The following MATK variants were observed in gnomAD, a reference collection of about 807,000 sequenced individuals.
MATK encodes megakaryocyte-associated tyrosine-protein kinase.
A neutral mutation model predicts 59.8 loss-of-function variants in MATK; 41 were observed. The observed-to-expected ratio is 0.69, with a 90% CI of 0.53 to 0.89. The LOEUF is 0.89. Ranked by LOEUF, MATK falls within the 40% of genes least tolerant of loss-of-function variation. The pLI is 0.00. For synonymous variants in MATK, 308 were observed against 306.1 expected (o/e 1.01, Z -0.06); for missense variants, 593 against 719.6 (o/e 0.82, Z 2.01).
chr19:3,778,898 T>G, intron 12 of MATK, 94 bp downstream of exon 12: 1 of 1,296,542 alleles, frequency 7.7e-7, no homozygotes, highest in Non-Finnish European at 1.0e-6. Flanking sequence ...CCATTGCCCT[T>G]GGAGTTTCAG....
chr19:3,778,924 T>C (rs1023229897), intron 12 of MATK, 68 bp downstream of exon 12: 81 of 1,446,558 alleles, frequency 5.6e-5, no homozygotes, highest in Non-Finnish European at 7.1e-5. Context: ...CCAAGGGACA[T>C]ACCCAGGGTC....
intron 7 of MATK, among the ~76,000 whole-genome samples, chr19:3,781,951 G>A (rs2037407859): frequency 6.6e-6 from 1 of 152,190 alleles, no homozygotes; most frequent in South Asian, 2.1e-4. Flanking sequence ...AAAGCTGGGG[G>A]CCTGCCTGGC....
upstream of MATK, chr19:3,789,396 T>C (rs893413878): frequency 1.4e-6 from 1 of 702,948 alleles, no homozygotes; most frequent in Non-Finnish European, 2.7e-6. Context: ...CTTTCTCCTC[T>C]TCCTCTCTCT....
chr19:3,783,721 G>A, intron 6 of MATK, 93 bp downstream of exon 6: 1 of 1,201,814 alleles, frequency 8.3e-7, no homozygotes, highest in Non-Finnish European at 1.2e-6. Context: ...TGGAGGTCAG[G>A]TGACCCGCCC....
intron 12 of MATK, among the ~76,000 whole-genome samples, 190 bp downstream of exon 12, chr19:3,778,802 C>T (rs533569823): frequency 2.6e-5 from 4 of 152,324 alleles, no homozygotes; most frequent in East Asian, 3.9e-4. Flanking sequence ...CCTGAGCCCA[C>T]GCCTTTTTCA....
chr19:3,792,520 T>TTC lies in MATK; in HGVS notation c.-57-3117_-57-3116insGA, dbSNP rs1344560076. On this transcript the variant is annotated intron_variant, in intron 1 of 13. Coordinates refer to the MATK transcript ENST00000395045. ...CATGAATTTCCAACTCTTTTTTTTTTTTTTTTTTTTTGAGATGGAGTCTCG... is the reference window on the plus strand; with the variant it reads ...CATGAATTTCCAACTCTTTTTTTTTTTCTTTTTTTTTTTGAGATGGAGTCTCG... 6.3e-5 allele frequency among the ~76,000 whole-genome samples: 9 copies of TTC among 143,948 alleles called. No individual in the cohort carries two copies. The East Asian group carries it at 1.2e-3, about 19-fold the overall frequency. The allele number at this position is 143,948 out of a possible 152,430, so 94.4% of individuals were successfully genotyped here.
At chr19:3,784,927 C>T (rs1261942492) in intron 2 of MATK, 43 bp from the exon 3 acceptor site, 2 of 1,445,008 alleles carry the variant, frequency 1.4e-6, no homozygotes, top group Non-Finnish European at 1.9e-6. Context: ...GGCTGGGACC[C>T]ACGGTCCAGT....
chr19:3,778,085 A>G lies in MATK; in HGVS notation c.*98T>C. 1 of 1,465,104 alleles carries G rather than the reference A, an allele frequency of 6.8e-7. No homozygotes were observed. The highest frequency in any genetic ancestry group is 8.9e-7 in the Non-Finnish European group (1 of 1,119,466). The allele number at this position is 1,465,104 out of a possible 1,614,324, so 90.8% of individuals were successfully genotyped here. A position where few individuals can be genotyped will look rare whatever the true frequency, so the allele number is the denominator to read the frequency against. ...CCCTGCTGTGGGCACCAGGAGGATG[A>G]CTTGCCCGCCTGGACCCTCCTTGGG... On this transcript the variant is annotated 3_prime_UTR_variant, in exon 14 of 14. Transcript: ENST00000310132.
At chr19:3,793,276 AG>A (rs2037559972) in intron 1 of MATK, 1 of 152,216 alleles carries the variant, frequency 6.6e-6, no homozygotes, top group Admixed American at 6.5e-5. Context: ...CGGCCTTAAA[AG>A]CTTCCCGGCT....
chr19:3,792,683 A>G (rs1291065419), intron 1 of MATK, among the ~76,000 whole-genome samples: 1 of 151,772 alleles, frequency 6.6e-6, no homozygotes, highest in Non-Finnish European at 1.5e-5. Context: ...ATGCCCGGCT[A>G]ATTTTTGTAT....
At position 3,778,408 on chromosome 19, in the gene MATK, C is replaced by A; in HGVS notation, c.1299G>T (p.Val433=). ...APYPKMSLKE[V]SEAVEKGYRM... The stretch of plus-strand genomic sequence containing the variant: ...GGTACCCCTTCTCCACGGCCTCCGA[C>A]ACCTCTTTCAGTGACTGCGGACAGC... Residue 433 remains valine (V), a synonymous_variant, in exon 14 of 14, where the codon GTG becomes GTT. Transcript: ENST00000310132. 6.2e-7 allele frequency: 1 copy of A among 1,613,052 alleles called. No individual in the cohort carries two copies. Among genetic ancestry groups the A allele is most frequent in the Non-Finnish European group, 8.5e-7 (1 of 1,179,872 alleles).
Position 3,785,130 on chromosome 19 carries a change from C to G in MATK, c.6G>C (p.Ala2=), listed in dbSNP as rs749025662. ...GCCAGGAAACCAGAGAGCCTCGCCC[C>G]GCCATCGCCCCCAGAGGGAAACTGA... M[A]GRGSLVSWRA... Residue 2 remains alanine, a synonymous_variant, in exon 2 of 14, where the codon GCG becomes GCC. Transcript: ENST00000310132. 6.2e-7 allele frequency: 1 copy of G among 1,614,086 alleles called. No individual in the cohort carries two copies. The highest frequency in any genetic ancestry group is 1.7e-5 in the Admixed American group (1 of 60,012).
In MATK at chr19:3,786,175, AG is replaced by A; in HGVS notation, c.-159del. On this transcript the variant is annotated 5_prime_UTR_variant, in exon 1 of 14. It removes the in-frame stop codon of an upstream open reading frame in the 5' UTR. Transcript: ENST00000310132. This position sits in a 1 kb window ranked among gnomAD's most constrained non-coding sequence, Gnocchi z 4.1. ...TCCCCGCCGACGTGCTCACCTGCTC[AG>A]GGGGCGCCCCCGAGCCGCGCCCCGC... 1 of 975,394 alleles carries A rather than the reference AG, an allele frequency of 1.0e-6. No homozygotes were observed. The highest frequency in any genetic ancestry group is 1.2e-6 in the Non-Finnish European group (1 of 822,418). The allele number at this position is 975,394 out of a possible 1,614,324, so 60.4% of individuals were successfully genotyped here.
At chr19:3,800,306 C>T (rs2037631275) in intron 1 of MATK, among the ~76,000 whole-genome samples, 1 of 151,872 alleles carries the variant, frequency 6.6e-6, no homozygotes, top group Admixed American at 6.6e-5. Context: ...AAAAATGACC[C>T]ACCCATAAAC....
upstream of MATK, among the ~76,000 whole-genome samples, chr19:3,786,981 A>AGGGTGGGGGCCCCACCC (rs1211649863): frequency 6.6e-6 from 1 of 151,710 alleles, no homozygotes; most frequent in Admixed American, 6.6e-5. This position sits in a 1 kb window ranked among gnomAD's most constrained non-coding sequence, Gnocchi z 4.1. Flanking sequence ...CCCCATATGG[A>AGGGTGGGGGCCCCACCC]GGGTGGGGGC....
Position 3,778,129 on chromosome 19 carries a change from G to A in MATK, c.*54C>T, listed in dbSNP as rs2037341428. ...CCTTGGGCCTGGTCAGTGCCCCCAC[G>A]CCGCACTCTCCACTCTCTCGGTCCT... On this transcript the variant is annotated 3_prime_UTR_variant, in exon 14 of 14. Transcript: ENST00000310132. The A allele has an allele frequency of 6.6e-6, 10 of 1,519,462 alleles. No individual in the cohort carries two copies. In the South Asian group the frequency reaches 7.4e-5, roughly 11 times the overall value. The allele number at this position is 1,519,462 out of a possible 1,614,324, so 94.1% of individuals were successfully genotyped here.
intron 8 of MATK, 37 bp from the exon 9 acceptor site, chr19:3,779,834 AC>A: frequency 7.1e-6 from 9 of 1,269,738 alleles, no homozygotes; most frequent in Non-Finnish European, 1.0e-5. Context: ...TGAGATCAGG[AC>A]CCCCAACAAA....
At chr19:3,782,898 T>G in intron 7 of MATK, 2 of 524,048 alleles carry the variant, frequency 3.8e-6, no homozygotes. Flanking sequence ...CTGGCTCAGA[T>G]GGTGGATGAT....
At chr19:3,793,182 C>G (rs940146679) in intron 1 of MATK, 1 of 152,260 alleles carries the variant, frequency 6.6e-6, no homozygotes, top group African/African-American at 2.4e-5. Flanking sequence ...CCCCGTCTTC[C>G]TCGTCCTTAA....
Sources: gnomAD v4.1 joint callset for allele counts (sites outside exome capture counted in the v4.1 genomes callset) on GRCh38, gnomAD v4.1.1 for gene constraint, Gnocchi (gnomAD v3.1) non-coding constraint, MANE v1.5 for transcripts, NCBI Gene and HGNC (gene_info 2026-07-23, HGNC 2026-07-21) for gene names.